NBEA: variants seen among roughly 807,000 people sequenced by gnomAD.
The protein encoded by NBEA is neurobeachin, also known as lysosomal-trafficking regulator 2.
Under a neutral mutation model 343.4 loss-of-function variants are expected in NBEA, and 44 were observed. The observed-to-expected ratio is 0.13, with a 90% CI of 0.10 to 0.16. The LOEUF (loss-of-function observed/expected upper bound fraction) is 0.16, where lower values mean the gene tolerates loss of function less well. Among genes scored for constraint, NBEA ranks in the 10% least tolerant of loss-of-function variants. The pLI is 1.00. For missense variants in NBEA, 2,555 were observed against 3,631.3 expected, an observed-to-expected ratio of 0.70 and a Z score of 7.62; for synonymous variants, 1,175 against 1,238.7, an observed-to-expected ratio of 0.95 and a Z score of 1.08.
At chr13:35,328,401 T>C (rs1438084194) in intron 36 of NBEA, among the ~76,000 whole-genome samples, 1 of 151,638 alleles carries the variant, frequency 6.6e-6, no homozygotes, top group Non-Finnish European at 1.5e-5. Context: ...TTAACAGGTA[T>C]AAAAAAATAG....
At chr13:35,278,422 A>C (rs773535295) in intron 34 of NBEA, among the ~76,000 whole-genome samples, 4 of 152,142 alleles carry the variant, frequency 2.6e-5, no homozygotes, top group Non-Finnish European at 4.4e-5. Context: ...TCCCTGCTAA[A>C]AGTATTAAGA....
intron 38 of NBEA, among the ~76,000 whole-genome samples, chr13:35,430,184 G>A (rs1039671153): frequency 1.3e-5 from 2 of 151,832 alleles, no homozygotes; most frequent in Non-Finnish European, 2.9e-5. Flanking sequence ...TTGCATTGTG[G>A]TTTTAATTTG....
chr13:35,246,555 C>A (rs1009420738), intron 34 of NBEA, among the ~76,000 whole-genome samples: 9 of 152,082 alleles, frequency 5.9e-5, no homozygotes, highest in African/African-American at 2.2e-4. Flanking sequence ...TCTTTTTTCC[C>A]TCTGGATCCA....
chr13:34,952,824 GTTAT>G (rs1000134539), intron 1 of NBEA, among the ~76,000 whole-genome samples: 53 of 152,162 alleles, frequency 3.5e-4, no homozygotes, highest in African/African-American at 1.3e-3. Flanking sequence ...ATATTTTTAT[GTTAT>G]TTAATTTTTT....
At chr13:35,259,068 A>G (rs888448752) in intron 34 of NBEA, among the ~76,000 whole-genome samples, 3 of 152,200 alleles carry the variant, frequency 2.0e-5, no homozygotes, top group Non-Finnish European at 4.4e-5. Flanking sequence ...ATTTTAAGTC[A>G]AGCAGCATTT....
chr13:35,530,810 T>G lies in NBEA; in HGVS notation c.6586-19667T>G, dbSNP rs9574096. Among the ~76,000 whole-genome samples, 6 of 152,066 alleles carry G rather than the reference T, an allele frequency of 3.9e-5. No individual in the cohort carries two copies. The East Asian group carries it at 1.2e-3, about 29-fold the overall frequency. ...ATTACAAGAAAGGTTAAGAGTTTTT[T>G]TAGTGCCAGAAACATGCCATCTACA... On this transcript the variant is annotated intron_variant, in intron 41 of 58. Coordinates refer to ENST00000379939, the MANE Select transcript of NBEA (RefSeq NM_001385012.1).
chr13:35,320,102 T>C (rs924201379), intron 36 of NBEA, among the ~76,000 whole-genome samples: 1 of 152,190 alleles, frequency 6.6e-6, no homozygotes, highest in Non-Finnish European at 1.5e-5. Flanking sequence ...ACATTTAAGG[T>C]TAATATTGTT....
At chr13:35,078,100 T>TG (rs978869147) in intron 10 of NBEA, among the ~76,000 whole-genome samples, 23 of 152,170 alleles carry the variant, frequency 1.5e-4, no homozygotes, top group African/African-American at 4.1e-4. Flanking sequence ...CGCTTAAATC[T>TG]GGCTTTCAGC....
intron 40 of NBEA, among the ~76,000 whole-genome samples, chr13:35,462,820 T>A (rs1403747816): frequency 1.3e-5 from 2 of 152,224 alleles, no homozygotes; most frequent in Middle Eastern, 3.4e-3. Context: ...TGTGGAGGAC[T>A]GTAATAACTG....
intron 17 of NBEA, among the ~76,000 whole-genome samples, chr13:35,136,979 A>T (rs1235471106): frequency 1.3e-5 from 2 of 152,268 alleles, no homozygotes; most frequent in Non-Finnish European, 2.9e-5. Context: ...TTGATGTTCA[A>T]ATAGCAATAT....
chr13:35,238,844 A>G (rs2075355763), intron 34 of NBEA, among the ~76,000 whole-genome samples: 1 of 152,152 alleles, frequency 6.6e-6, no homozygotes, highest in Admixed American at 6.6e-5. Flanking sequence ...CACGACTAGC[A>G]TTTTTTAAAA....
rs2075853634 is a variant in NBEA at position 35,476,145 on chromosome 13, G to A, written c.6585+3609G>A. ...TGGCCTGGGCCGCAATCATGTTGGG[G>A]CAGAGATCCGGATTGTACACCGGAG... On this transcript the variant is annotated intron_variant, in intron 41 of 58. Coordinates refer to ENST00000379939, the MANE Select transcript of NBEA (RefSeq NM_001385012.1). 5.0e-6 allele frequency: 8 copies of A among 1,613,708 alleles called. No individual in the cohort carries two copies. The East Asian group carries it at 1.1e-4, about 22-fold the overall frequency.
chr13:35,072,980 T>C (rs2063941723), intron 10 of NBEA, among the ~76,000 whole-genome samples: 1 of 152,220 alleles, frequency 6.6e-6, no homozygotes, highest in African/African-American at 2.4e-5. Context: ...AATTCTTATC[T>C]ATTACTTTTT....
chr13:35,596,389 G>A (rs1485985168), intron 47 of NBEA, among the ~76,000 whole-genome samples: 2 of 152,086 alleles, frequency 1.3e-5, no homozygotes, highest in African/African-American at 4.8e-5. Context: ...TATTTTTTAA[G>A]GAAGTGTGTT....
chr13:35,360,320 A>G (rs1236333487), intron 38 of NBEA, among the ~76,000 whole-genome samples: 4 of 152,084 alleles, frequency 2.6e-5, no homozygotes, highest in African/African-American at 9.7e-5. Flanking sequence ...TGACTTTGGA[A>G]CTGCCACCCA....
chr13:35,259,652 G>A (rs2033029092), intron 34 of NBEA, among the ~76,000 whole-genome samples: 1 of 151,682 alleles, frequency 6.6e-6, no homozygotes, highest in African/African-American at 2.4e-5. Flanking sequence ...CATTTTATTA[G>A]CAATTTTAAA....
Position 35,143,610 on chromosome 13 carries a change from T to G in NBEA, c.2445+1233T>G, listed in dbSNP as rs181392371. On this transcript the variant is annotated intron_variant, in intron 18 of 58. Transcript: ENST00000379939. ...TATTCCTAACTCAGAAGAGCAGTGG[T>G]CAGAAAACATTAAACAGAATATCTC... Among the ~76,000 whole-genome samples, 31 of 152,214 alleles carry G rather than the reference T, an allele frequency of 2.0e-4. No homozygotes were observed. In the East Asian group the frequency reaches 5.8e-3, roughly 28 times the overall value.
chr13:35,527,836 C>T (rs192132079), intron 41 of NBEA, among the ~76,000 whole-genome samples: 102 of 152,262 alleles, frequency 6.7e-4, no homozygotes, highest in Non-Finnish European at 3.7e-4. Context: ...GCTGCATTGC[C>T]GAACACACAA....
chr13:35,442,251 T>TATTC (rs2045780966), intron 39 of NBEA, among the ~76,000 whole-genome samples: 2 of 152,280 alleles, frequency 1.3e-5, no homozygotes, highest in Admixed American at 1.3e-4. Flanking sequence ...GTCACAAAGA[T>TATTC]GAATAGTGCA....
Sources: gnomAD v4.1 joint callset for allele counts (sites outside exome capture counted in the v4.1 genomes callset) on GRCh38, gnomAD v4.1.1 for gene constraint, MANE v1.5 for transcripts, NCBI Gene and HGNC (gene_info 2026-07-23, HGNC 2026-07-21) for gene names.